PLCXD3: variants seen among roughly 807,000 people sequenced by gnomAD.
PLCXD3 encodes the protein PI-PLC X domain-containing protein 3.
PLCXD3 carries 19 observed loss-of-function variants against 25.5 expected under a neutral mutation model. The observed-to-expected ratio is 0.75, with a 90% CI of 0.52 to 1.09. The LOEUF (loss-of-function observed/expected upper bound fraction) is 1.09, where lower values mean the gene tolerates loss of function less well. Ranked by LOEUF, PLCXD3 falls within the 50% of genes least tolerant of loss-of-function variation. PLCXD3 has a pLI of 0.00. For missense variants in PLCXD3, 411 were observed against 388.1 expected, an observed-to-expected ratio of 1.06 and a Z score of -0.50; for synonymous variants, 174 against 137.6, an observed-to-expected ratio of 1.26 and a Z score of -1.85.
intron 1 of PLCXD3, among the ~76,000 whole-genome samples, chr5:41,482,758 T>G (rs1748439963): frequency 6.6e-6 from 1 of 152,188 alleles, no homozygotes; most frequent in South Asian, 2.1e-4. Flanking sequence ...ACTAGGCTAT[T>G]TCTTTTCTTG....
At chr5:41,475,455 G>A (rs550086001) in intron 1 of PLCXD3, among the ~76,000 whole-genome samples, 24 of 151,856 alleles carry the variant, frequency 1.6e-4, no homozygotes, top group East Asian at 1.4e-3. Flanking sequence ...CTATCTGTCC[G>A]TATGGTCCCT....
chr5:41,500,701 ACC>A (rs935036706), intron 1 of PLCXD3, among the ~76,000 whole-genome samples: 2 of 151,908 alleles, frequency 1.3e-5, no homozygotes, highest in African/African-American at 4.8e-5. Flanking sequence ...AGCCACAGGC[ACC>A]AAAAGCAAAA....
At chr5:41,354,299 C>G (rs1162543706) in intron 2 of PLCXD3, among the ~76,000 whole-genome samples, 1 of 152,184 alleles carries the variant, frequency 6.6e-6, no homozygotes, top group African/African-American at 2.4e-5. Context: ...GAATGTCCTA[C>G]AAACCTCTCA....
intron 1 of PLCXD3, among the ~76,000 whole-genome samples, chr5:41,501,484 A>G (rs886835780): frequency 4.6e-5 from 7 of 152,080 alleles, no homozygotes; most frequent in African/African-American, 1.7e-4. Flanking sequence ...GGTATCTAAT[A>G]GTCAAACTCA....
chr5:41,318,863 C>A (rs1743376732), intron 2 of PLCXD3, among the ~76,000 whole-genome samples: 1 of 152,078 alleles, frequency 6.6e-6, no homozygotes, highest in Admixed American at 6.5e-5. Context: ...CACACATCAC[C>A]TGTAAAGACA....
chr5:41,403,528 A>G (rs1202145886), intron 1 of PLCXD3, among the ~76,000 whole-genome samples: 1 of 83,736 alleles, frequency 1.2e-5, no homozygotes, highest in African/African-American at 4.6e-5. Flanking sequence ...AGCATTAGGT[A>G]TATCTCCCAA....
At chr5:41,399,736 G>A (rs1000825142) in intron 1 of PLCXD3, among the ~76,000 whole-genome samples, 10 of 151,962 alleles carry the variant, frequency 6.6e-5, no homozygotes, top group African/African-American at 2.2e-4. Flanking sequence ...AAAACTATGA[G>A]ACTACTACAA....
At position 41,400,259 on chromosome 5, in the gene PLCXD3, C is replaced by A. The variant is rs1392202777; in HGVS notation, c.104-17725G>T. On this transcript the variant is annotated intron_variant, in intron 1 of 2. Coordinates refer to ENST00000377801, the MANE Select transcript of PLCXD3 (RefSeq NM_001005473.3). ...TGGTGGGAATGTAAATTAGTGCAAC[C>A]ACTATGGAGAACAGTTTGGAGGTTC... is the stretch of plus-strand genomic sequence containing the variant. Among the ~76,000 whole-genome samples, 3 of 152,154 alleles carry A rather than the reference C, an allele frequency of 2.0e-5. No individual in the cohort carries two copies. In the East Asian group the frequency reaches 5.8e-4, roughly 29 times the overall value.
chr5:41,341,045 G>C (rs1744134568), intron 2 of PLCXD3, among the ~76,000 whole-genome samples: 1 of 152,112 alleles, frequency 6.6e-6, no homozygotes, highest in Non-Finnish European at 1.5e-5. Context: ...ATACTTACCA[G>C]TTTTGAAAGT....
At chr5:41,409,818 A>T (rs1338621733) in intron 1 of PLCXD3, among the ~76,000 whole-genome samples, 1 of 152,178 alleles carries the variant, frequency 6.6e-6, no homozygotes, top group Non-Finnish European at 1.5e-5. Context: ...AATAGGACTG[A>T]TATCACTACT....
At chr5:41,456,516 AG>A (rs1252020405) in intron 1 of PLCXD3, 1 of 905,574 alleles carries the variant, frequency 1.1e-6, no homozygotes, top group Non-Finnish European at 1.3e-6. Flanking sequence ...TGAAAAAAAA[AG>A]AAAAACAAGT....
At chr5:41,478,825 A>C (rs916333137) in intron 1 of PLCXD3, among the ~76,000 whole-genome samples, 1 of 152,192 alleles carries the variant, frequency 6.6e-6, no homozygotes, top group African/African-American at 2.4e-5. Context: ...ACCTCAGGAA[A>C]CTTACAATAG....
At chr5:41,421,324 G>C (rs931248712) in intron 1 of PLCXD3, among the ~76,000 whole-genome samples, 3 of 152,132 alleles carry the variant, frequency 2.0e-5, no homozygotes, top group Non-Finnish European at 4.4e-5. Flanking sequence ...TAAGTAATTT[G>C]AGGGTAGGTA....
intron 1 of PLCXD3, 51 bp downstream of exon 1, chr5:41,510,373 G>T (rs766621182): frequency 1.4e-5 from 21 of 1,468,884 alleles, no homozygotes; most frequent in Middle Eastern, 1.8e-4. Context: ...AGCAGGGCGG[G>T]GCAGGTGGAG....
chr5:41,446,168 C>A (rs1314777623), intron 1 of PLCXD3, among the ~76,000 whole-genome samples: 1 of 21,826 alleles, frequency 4.6e-5, no homozygotes, highest in African/African-American at 8.6e-5. Context: ...CGGAGCCAGA[C>A]TCCTTCTCAA....
chr5:41,450,112 C>G (rs982617408), intron 1 of PLCXD3, among the ~76,000 whole-genome samples: 1 of 152,068 alleles, frequency 6.6e-6, no homozygotes, highest in Non-Finnish European at 1.5e-5. Flanking sequence ...GTTCTATCTT[C>G]AAAGCTGCCC....
intron 1 of PLCXD3, among the ~76,000 whole-genome samples, chr5:41,432,950 T>C (rs318015): frequency 0.011 from 1,751 of 152,296 alleles, 38 homozygotes; most frequent in African/African-American, 0.04. Flanking sequence ...GCTGTTTTCT[T>C]TTGGCCCAGA....
intron 1 of PLCXD3, among the ~76,000 whole-genome samples, chr5:41,505,805 T>C (rs1400649570): frequency 2.6e-5 from 4 of 152,182 alleles, no homozygotes; most frequent in Admixed American, 1.3e-4. Context: ...CATGATGACC[T>C]GTAATGTCAG....
intron 1 of PLCXD3, among the ~76,000 whole-genome samples, chr5:41,391,301 G>A (rs1029748783): frequency 1.3e-5 from 2 of 152,100 alleles, no homozygotes; most frequent in Admixed American, 6.6e-5. Flanking sequence ...CTCCAAAAGA[G>A]ACCCCTTCCT....
Sources: allele counts gnomAD v4.1 joint callset (sites outside exome capture counted in the v4.1 genomes callset), GRCh38; gene constraint gnomAD v4.1.1; transcripts MANE v1.5; gene names NCBI Gene and HGNC (gene_info 2026-07-23, HGNC 2026-07-21).